PRDM16: variants seen among roughly 807,000 people sequenced by gnomAD.
PRDM16 encodes the protein PR/SET domain 16, also known as histone-lysine N-methyltransferase PRDM16.
A neutral mutation model predicts 110.6 loss-of-function variants in PRDM16; 23 were observed. The observed-to-expected ratio is 0.21, with a 90% CI of 0.15 to 0.29. PRDM16 has a LOEUF of 0.29. Ranked by LOEUF, PRDM16 falls within the 10% of genes least tolerant of loss-of-function variation. The pLI is 1.00. For synonymous variants in PRDM16, 799 were observed against 781.8 expected (o/e 1.02, Z -0.37); for missense variants, 1,615 against 1,794.3 (o/e 0.90, Z 1.81).
chr1:3,333,624 A>T (rs532306306), intron 3 of PRDM16, among the ~76,000 whole-genome samples: 29 of 149,510 alleles, frequency 1.9e-4, no homozygotes, highest in Non-Finnish European at 3.7e-4. Context: ...GCCAAGAGCC[A>T]TCGCGGCTAA....
At chr1:3,309,286 C>T (rs1641385964) in intron 3 of PRDM16, 3 of 152,262 alleles carry the variant, frequency 2.0e-5, no homozygotes, top group Admixed American at 6.5e-5. Context: ...TCTGGGAACA[C>T]TAATGGTGGA....
intron 2 of PRDM16, among the ~76,000 whole-genome samples, chr1:3,192,432 A>C (rs1638336160): frequency 6.6e-6 from 1 of 152,186 alleles, no homozygotes; most frequent in African/African-American, 2.4e-5. Context: ...GTCAGCCCCT[A>C]CATCCAGACC....
In PRDM16 at chr1:3,435,049, G is replaced by T. The variant is rs1039387512; in HGVS notation, c.*1238G>T. 7.9e-5 allele frequency: 18 copies of T among 227,092 alleles called. No individual in the cohort carries two copies. Among genetic ancestry groups the T allele is most frequent in the Admixed American group, 2.9e-4 (5 of 17,534 alleles). The allele number at this position is 227,092 out of a possible 1,614,324, so 14.1% of individuals were successfully genotyped here. On this transcript the variant is annotated 3_prime_UTR_variant, in exon 17 of 17. Coordinates refer to ENST00000270722, the MANE Select transcript of PRDM16 (RefSeq NM_022114.4). ...GCGAGACACAGCTTGAGAACAGAAG[G>T]GCGTCGGGGGAACCTGCCGCAAGGA...
At chr1:3,378,366 G>A (rs1299226324) in intron 3 of PRDM16, among the ~76,000 whole-genome samples, 1 of 152,150 alleles carries the variant, frequency 6.6e-6, no homozygotes, top group Non-Finnish European at 1.5e-5. Flanking sequence ...CAGGGACCGG[G>A]ACCTGGGACT....
At chr1:3,118,179 TTGTG>T (rs1202817277) in intron 1 of PRDM16, among the ~76,000 whole-genome samples, 2 of 151,664 alleles carry the variant, frequency 1.3e-5, no homozygotes, top group African/African-American at 2.4e-5. Flanking sequence ...TTTGGAAAGA[TTGTG>T]TGTGCATGCA....
chr1:3,172,573 C>T (rs79551700), intron 1 of PRDM16, among the ~76,000 whole-genome samples: 7,975 of 152,290 alleles, frequency 0.052, 228 homozygotes, highest in Admixed American at 0.072. Context: ...GATGAAGAGA[C>T]AAGCCAAAGG....
In PRDM16 at chr1:3,328,452, C is replaced by T. The variant is rs927730109; in HGVS notation, c.439-56700C>T. 3.9e-5 allele frequency among the ~76,000 whole-genome samples: 6 copies of T among 152,114 alleles called. No homozygotes were observed. In the South Asian group the frequency reaches 1.0e-3, roughly 26 times the overall value. On this transcript the variant is annotated intron_variant, in intron 3 of 16. Transcript: ENST00000270722. ...TTCCTGGGGGAGGTCTAGCAGCATG[C>T]GCGGAGCTTTCGTCACTCGCCTGGC... is the stretch of plus-strand genomic sequence containing the variant.
intron 3 of PRDM16, among the ~76,000 whole-genome samples, chr1:3,301,411 G>C (rs570580350): frequency 2.7e-4 from 41 of 151,818 alleles, no homozygotes; most frequent in Admixed American, 2.0e-4. Flanking sequence ...TAAATGAAAA[G>C]CCAATAAATG....
chr1:3,242,408 C>G (rs1639693909), intron 2 of PRDM16, among the ~76,000 whole-genome samples: 1 of 152,222 alleles, frequency 6.6e-6, no homozygotes, highest in African/African-American at 2.4e-5. Flanking sequence ...CTTCTACTCT[C>G]GAGAGCTCCA....
chr1:3,388,598 A>G (rs923226744), intron 4 of PRDM16, among the ~76,000 whole-genome samples: 1 of 152,226 alleles, frequency 6.6e-6, no homozygotes, highest in African/African-American at 2.4e-5. Flanking sequence ...AGAAGAGATG[A>G]GCTCCTCTAC....
At chr1:3,134,969 G>C (rs1351071861) in intron 1 of PRDM16, among the ~76,000 whole-genome samples, 2 of 152,300 alleles carry the variant, frequency 1.3e-5, no homozygotes, top group South Asian at 2.1e-4. Context: ...AGCTGCCGGG[G>C]AGCTGCCGGC....
chr1:3,154,476 G>A (rs1027396990), intron 1 of PRDM16, among the ~76,000 whole-genome samples: 101 of 152,324 alleles, frequency 6.6e-4, no homozygotes, highest in African/African-American at 2.3e-3. Flanking sequence ...AGGGGCTGCA[G>A]CATGGAGCTG....
chr1:3,360,824 C>T (rs916266427), intron 3 of PRDM16, among the ~76,000 whole-genome samples: 9 of 152,242 alleles, frequency 5.9e-5, no homozygotes, highest in African/African-American at 1.9e-4. Context: ...GCCTGGCTCC[C>T]AGCAGGACCC....
intron 3 of PRDM16, among the ~76,000 whole-genome samples, chr1:3,336,704 A>ATG (rs554826133): frequency 6.5e-4 from 90 of 138,990 alleles, no homozygotes; most frequent in African/African-American, 2.4e-3. Context: ...ATCTGTGAGC[A>ATG]CATGCATGCA....
intron 1 of PRDM16, among the ~76,000 whole-genome samples, chr1:3,153,496 G>C (rs1557487423): frequency 6.6e-6 from 1 of 152,230 alleles, no homozygotes; most frequent in Non-Finnish European, 1.5e-5. Flanking sequence ...GGCTGGACCA[G>C]AGCGGGGCTC....
Position 3,069,853 on chromosome 1 carries a change from G to C in PRDM16, c.37+557G>C, listed in dbSNP as rs920059075. On this transcript the variant is annotated intron_variant, in intron 1 of 16. Coordinates refer to ENST00000270722, the MANE Select transcript of PRDM16 (RefSeq NM_022114.4). The surrounding 1 kb of genome is among the most constrained non-coding windows in gnomAD (Gnocchi z 6.1). ...CCCCGAGCCGGGGAGGGGCGGAGGA[G>C]GGGGCGCGGGCCGGCGCCCACCCGG... Among the ~76,000 whole-genome samples, 1 of 151,986 alleles carries C rather than the reference G, an allele frequency of 6.6e-6. No homozygotes were observed. Among genetic ancestry groups the C allele is most frequent in the Admixed American group, 6.5e-5 (1 of 15,270 alleles).
intron 4 of PRDM16, among the ~76,000 whole-genome samples, chr1:3,388,052 T>C (rs913103060): frequency 7.2e-5 from 11 of 152,260 alleles, no homozygotes; most frequent in African/African-American, 2.7e-4. Context: ...TATTTGACCC[T>C]ATGCGGAGCT....
rs897479519 is a variant in PRDM16 at position 3,353,211 on chromosome 1, G to T, written c.439-31941G>T. 6.6e-5 allele frequency among the ~76,000 whole-genome samples: 10 copies of T among 152,336 alleles called. No individual in the cohort carries two copies. The highest frequency in any genetic ancestry group is 2.0e-4 in the Admixed American group (3 of 15,304). ...TGCCCTCCTGTAGTAAAAGTTAACC[G>T]GGTGTGAAATGCATGTTGCCTGAGG... On this transcript the variant is annotated intron_variant, in intron 3 of 16. Transcript: ENST00000270722. The surrounding 1 kb of genome is among the most constrained non-coding windows in gnomAD (Gnocchi z 5.4).
In PRDM16 at chr1:3,425,617, G is replaced by A. The variant is rs558657594; in HGVS notation, c.2976G>A (p.Ser992=). Residue 992 remains serine, a synonymous_variant, in exon 13 of 17, where the codon TCG becomes TCA. Coordinates refer to ENST00000270722, the MANE Select transcript of PRDM16 (RefSeq NM_022114.4). This position sits in a 1 kb window ranked among gnomAD's most constrained non-coding sequence, Gnocchi z 6.9. ...GCGACCGCTCCTTCAGCATCTCTTCGAACCTCCAGCGGCACGTCCGGAACA... is the reference window on the plus strand; with the variant it reads ...GCGACCGCTCCTTCAGCATCTCTTCAAACCTCCAGCGGCACGTCCGGAACA... ...KYCDRSFSIS[S]NLQRHVRNIH... 42 of 1,613,854 alleles carry A rather than the reference G, an allele frequency of 2.6e-5. No homozygotes were observed. The highest frequency in any genetic ancestry group is 1.9e-4 in the South Asian group (17 of 91,076).
Sources: allele counts gnomAD v4.1 joint callset (sites outside exome capture counted in the v4.1 genomes callset), GRCh38; gene constraint gnomAD v4.1.1; non-coding constraint Gnocchi (gnomAD v3.1); transcripts MANE v1.5; gene names NCBI Gene and HGNC (gene_info 2026-07-23, HGNC 2026-07-21).